UBP1: variants seen among roughly 807,000 people sequenced by gnomAD.
The protein encoded by UBP1 is upstream-binding protein 1.
Under a neutral mutation model 76.1 loss-of-function variants are expected in UBP1, and 22 were observed. The ratio of observed to expected loss-of-function variants is 0.29; its 90% CI spans 0.21 to 0.41. UBP1 has a LOEUF of 0.41. Ranked by LOEUF, UBP1 falls within the 10% of genes least tolerant of loss-of-function variation. The probability of loss-of-function intolerance (pLI) is 1.00; values close to 1 mark genes in which losing one functional copy is unlikely to be tolerated. For synonymous variants in UBP1, 224 were observed against 237.1 expected (o/e 0.94, Z 0.51); for missense variants, 436 against 668.1 (o/e 0.65, Z 3.83).
In UBP1 at chr3:33,440,285, C is replaced by T. The variant is rs1324636888; in HGVS notation, c.-437G>A. On this transcript the variant is annotated 5_prime_UTR_variant, in exon 1 of 16. Coordinates refer to ENST00000283629, the MANE Select transcript of UBP1 (RefSeq NM_014517.5). ...CGTCACCCGCCCCCAAGCCTTGACT[C>T]CTTGCCCCCGGCCCGCCCAGGCTCT... 2.6e-5 allele frequency: 4 copies of T among 153,208 alleles called. No homozygotes were observed. The East Asian group carries it at 7.8e-4, about 30-fold the overall frequency. The allele number at this position is 153,208 out of a possible 1,614,324, so 9.5% of individuals were successfully genotyped here. A position where few individuals can be genotyped will look rare whatever the true frequency, so the allele number is the denominator to read the frequency against.
intron 1 of UBP1, among the ~76,000 whole-genome samples, chr3:33,439,373 C>T (rs1020925145): frequency 1.3e-5 from 2 of 152,260 alleles, no homozygotes; most frequent in African/African-American, 4.8e-5. Context: ...ATAAGTGCTG[C>T]CTTTTCGTAC....
In UBP1 at chr3:33,389,918, TCAG is replaced by T. The variant is rs2043691659; in HGVS notation, c.*410_*412del. Reference sequence around the variant, plus strand: ...CACTGTCCCCCATCTCCTCTCCAGGTCAGCATAAGGTTCAGGCAATAAAAGCCA... The same window carrying T: ...CACTGTCCCCCATCTCCTCTCCAGGTCATAAGGTTCAGGCAATAAAAGCCA... On this transcript the variant is annotated 3_prime_UTR_variant, in exon 16 of 16. Transcript: ENST00000283629. 1 of 168,232 alleles carries T rather than the reference TCAG, an allele frequency of 5.9e-6. No individual in the cohort carries two copies. The highest frequency in any genetic ancestry group is 2.4e-5 in the African/African-American group (1 of 42,034). 10.4% of individuals were successfully genotyped at this position (168,232 alleles called of 1,614,324 possible).
chr3:33,420,428 C>T (rs1373157023), intron 2 of UBP1, among the ~76,000 whole-genome samples: 2 of 151,440 alleles, frequency 1.3e-5, no homozygotes, highest in Admixed American at 6.6e-5. Flanking sequence ...CAAATTCAAG[C>T]AATTCTCATG....
chr3:33,439,066 T>C (rs1356344694), intron 1 of UBP1, among the ~76,000 whole-genome samples: 7 of 152,228 alleles, frequency 4.6e-5, no homozygotes, highest in African/African-American at 1.7e-4. Flanking sequence ...AATCTCTCCA[T>C]ATTAAAATGA....
chr3:33,418,406 C>T (rs535602958), intron 2 of UBP1, among the ~76,000 whole-genome samples: 4 of 152,144 alleles, frequency 2.6e-5, no homozygotes, highest in African/African-American at 9.6e-5. Flanking sequence ...AGGTGCCCGC[C>T]ACCACGCCCA....
chr3:33,403,223 C>G (rs923275238), intron 8 of UBP1: 16 of 260,742 alleles, frequency 6.1e-5, no homozygotes, highest in Non-Finnish European at 9.8e-5. Flanking sequence ...TACCAGTATC[C>G]TCTTTATCAG....
chr3:33,402,050 C>T (rs1165260763), intron 9 of UBP1, among the ~76,000 whole-genome samples: 3 of 152,224 alleles, frequency 2.0e-5, no homozygotes, highest in African/African-American at 4.8e-5. Context: ...CAGACCTTGT[C>T]AGCATGACCG....
chr3:33,433,663 AAG>A (rs1384906697), intron 1 of UBP1, among the ~76,000 whole-genome samples: 2 of 151,930 alleles, frequency 1.3e-5, no homozygotes, highest in Non-Finnish European at 2.9e-5. Flanking sequence ...TCAAAAAAAA[AAG>A]ACTCTACCAC....
chr3:33,415,781 A>G (rs893242544), intron 3 of UBP1, among the ~76,000 whole-genome samples: 11 of 151,878 alleles, frequency 7.2e-5, no homozygotes, highest in African/African-American at 2.7e-4. Flanking sequence ...ACAAAGAAAG[A>G]CAAAAACAGA....
intron 8 of UBP1, among the ~76,000 whole-genome samples, chr3:33,403,960 C>A (rs1341960599): frequency 2.0e-5 from 3 of 152,170 alleles, no homozygotes; most frequent in Non-Finnish European, 4.4e-5. Context: ...TTAAGACTGT[C>A]CCAGGCTGGA....
chr3:33,395,530 C>T (rs1368469009), intron 13 of UBP1, among the ~76,000 whole-genome samples: 3 of 151,834 alleles, frequency 2.0e-5, no homozygotes, highest in Non-Finnish European at 4.4e-5. Flanking sequence ...CTATACCGTA[C>T]AATTAAATGC....
At chr3:33,432,890 A>C (rs890996472) in intron 1 of UBP1, among the ~76,000 whole-genome samples, 1 of 152,220 alleles carries the variant, frequency 6.6e-6, no homozygotes, top group South Asian at 2.1e-4. Context: ...AAGTAGGAGA[A>C]GCTGGGTGAA....
At chr3:33,407,094 G>A (rs1463061789) in intron 8 of UBP1, among the ~76,000 whole-genome samples, 1 of 152,102 alleles carries the variant, frequency 6.6e-6, no homozygotes, top group Non-Finnish European at 1.5e-5. Flanking sequence ...CTTTTTAAGT[G>A]ACAATCTGTA....
intron 1 of UBP1, among the ~76,000 whole-genome samples, chr3:33,429,830 G>A (rs2045083740): frequency 6.6e-6 from 1 of 152,144 alleles, no homozygotes; most frequent in African/African-American, 2.4e-5. Flanking sequence ...ATGACTGCAA[G>A]ACCCTAGTGT....
At chr3:33,393,525 G>C (rs1380476706) in intron 13 of UBP1, 71 bp from the exon 14 acceptor site, 38 of 1,480,624 alleles carry the variant, frequency 2.6e-5, no homozygotes, top group Non-Finnish European at 3.3e-5. Context: ...CTGATCTGTA[G>C]GATCTGTACG....
intron 11 of UBP1, among the ~76,000 whole-genome samples, chr3:33,399,608 T>C (rs1479700159): frequency 6.6e-6 from 1 of 152,194 alleles, no homozygotes. Context: ...GACAAAATTA[T>C]AGACAGAATG....
At chr3:33,435,961 T>C (rs766711861) in intron 1 of UBP1, among the ~76,000 whole-genome samples, 1 of 152,224 alleles carries the variant, frequency 6.6e-6, no homozygotes, top group Non-Finnish European at 1.5e-5. Flanking sequence ...ACTTCCAAGA[T>C]ATATATCACC....
intron 1 of UBP1, among the ~76,000 whole-genome samples, chr3:33,427,097 AGCTGGGATTAGAGGCATGTG>A (rs1261644448): frequency 6.6e-6 from 1 of 152,214 alleles, no homozygotes; most frequent in Non-Finnish European, 1.5e-5. Flanking sequence ...CCTCCCAAGT[AGCTGGGATTAGAGGCATGTG>A]CCACCACACC....
intron 1 of UBP1, among the ~76,000 whole-genome samples, chr3:33,429,321 G>A (rs1316599001): frequency 1.3e-5 from 2 of 151,828 alleles, no homozygotes; most frequent in Non-Finnish European, 2.9e-5. Context: ...AAGACAGAAT[G>A]TTAAACGGAA....
Sources: gnomAD v4.1 joint callset for allele counts (sites outside exome capture counted in the v4.1 genomes callset) on GRCh38, gnomAD v4.1.1 for gene constraint, MANE v1.5 for transcripts, NCBI Gene and HGNC (gene_info 2026-07-23, HGNC 2026-07-21) for gene names.